The following TBC1D1 variants were observed in gnomAD, a reference collection of about 807,000 sequenced individuals.
The protein encoded by TBC1D1 is TBC1 (tre-2/USP6, BUB2, cdc16) domain family, member 1.
In TBC1D1, 89 loss-of-function variants were observed where a neutral mutation model predicts 125.6. That is an observed-to-expected ratio of 0.71 (90% CI 0.60 to 0.85). The LOEUF (loss-of-function observed/expected upper bound fraction) is 0.85, where lower values mean the gene tolerates loss of function less well. Ranked by LOEUF, TBC1D1 falls within the 40% of genes least tolerant of loss-of-function variation. The pLI is 0.00. For missense variants in TBC1D1, 1,377 were observed against 1,469.2 expected (o/e 0.94, Z 1.03); for synonymous variants, 565 against 564.1 (o/e 1.00, Z -0.02).
chr4:38,124,481 C>T (rs1303732126), intron 17 of TBC1D1, among the ~76,000 whole-genome samples: 1 of 152,226 alleles, frequency 6.6e-6, no homozygotes, highest in Non-Finnish European at 1.5e-5. Context: ...TAACAAAGTA[C>T]TTCTGCAGTT....
intron 2 of TBC1D1, among the ~76,000 whole-genome samples, chr4:37,974,255 G>C (rs910168400): frequency 6.6e-6 from 1 of 152,092 alleles, no homozygotes; most frequent in African/African-American, 2.4e-5. Context: ...TTTTGAGACA[G>C]GGTCTTGTGC....
At chr4:38,103,305 G>T in intron 15 of TBC1D1, 148 bp downstream of exon 17, 3 of 782,448 alleles carry the variant, frequency 3.8e-6, no homozygotes, top group Non-Finnish European at 6.0e-6. Flanking sequence ...AAGCCCTAGG[G>T]TAATCACAAA....
chr4:37,924,886 A>G (rs144991174), intron 2 of TBC1D1, among the ~76,000 whole-genome samples: 2 of 152,318 alleles, frequency 1.3e-5, no homozygotes, highest in African/African-American at 4.8e-5. Flanking sequence ...TTGGGTACAT[A>G]CCAAGAAGTG....
rs1258888037 is a variant in TBC1D1, at chr4:38,049,722, A to G, written c.1734A>G (p.Pro578=). The G allele has an allele frequency of 6.2e-7, 1 of 1,614,166 alleles. No individual in the cohort carries two copies. Among genetic ancestry groups the G allele is most frequent in the East Asian group, 2.2e-5 (1 of 44,866 alleles). ...CCAGTGACTCGGAGAGTCATCTCCC[A>G]GAAGAGCCAGCTCCGCTGTCGCCCC... The change falls in exon 11 of 20, where the codon CCA becomes CCG. Residue 578 remains proline (P), a synonymous_variant. Transcript: ENST00000261439.
At chr4:37,947,099 T>C (rs189738284) in intron 2 of TBC1D1, among the ~76,000 whole-genome samples, 6 of 152,306 alleles carry the variant, frequency 3.9e-5, no homozygotes, top group Admixed American at 3.9e-4. Flanking sequence ...ACATCTCCCT[T>C]ACCCGCACTC....
chr4:38,024,245 A>G (rs1485423618), intron 6 of TBC1D1, among the ~76,000 whole-genome samples: 1 of 152,236 alleles, frequency 6.6e-6, no homozygotes, highest in East Asian at 1.9e-4. Flanking sequence ...AGAGTTCCCA[A>G]CTGAGAGGAT....
At chr4:37,937,408 T>C (rs1482974080) in intron 2 of TBC1D1, among the ~76,000 whole-genome samples, 2 of 152,136 alleles carry the variant, frequency 1.3e-5, no homozygotes, top group Non-Finnish European at 2.9e-5. Context: ...ACGATAAAAA[T>C]TCAATCAATT....
intron 2 of TBC1D1, among the ~76,000 whole-genome samples, chr4:38,009,643 A>G (rs1578252774): frequency 6.6e-6 from 1 of 152,350 alleles, no homozygotes; most frequent in South Asian, 2.1e-4. Flanking sequence ...ATCTGGCTAC[A>G]TATGAAACAG....
At chr4:37,925,220 T>C (rs781031785) in intron 2 of TBC1D1, among the ~76,000 whole-genome samples, 3 of 152,206 alleles carry the variant, frequency 2.0e-5, no homozygotes, top group Non-Finnish European at 2.9e-5. Flanking sequence ...CCCTGTAGCA[T>C]GCTGCATGGA....
At chr4:37,914,600 C>T (rs1719314451) in intron 2 of TBC1D1, among the ~76,000 whole-genome samples, 2 of 152,196 alleles carry the variant, frequency 1.3e-5, no homozygotes, top group Admixed American at 1.3e-4. Context: ...CATCCAAAGA[C>T]ATCTTCTAAA....
intron 2 of TBC1D1, among the ~76,000 whole-genome samples, chr4:37,963,306 A>G (rs1730402065): frequency 1.3e-5 from 2 of 152,088 alleles, no homozygotes; most frequent in African/African-American, 4.8e-5. Flanking sequence ...GCTTCTGGGG[A>G]GGCCTCACAA....
chr4:37,934,655 A>C (rs1341358512), intron 2 of TBC1D1, among the ~76,000 whole-genome samples: 1 of 152,034 alleles, frequency 6.6e-6, no homozygotes, highest in African/African-American at 2.4e-5. Flanking sequence ...CAGCAGAGAG[A>C]GTCTGCAGGG....
At chr4:37,935,817 C>T (rs1040066247) in intron 2 of TBC1D1, among the ~76,000 whole-genome samples, 6 of 152,186 alleles carry the variant, frequency 3.9e-5, no homozygotes, top group African/African-American at 1.4e-4. Flanking sequence ...CTCCCAATGG[C>T]TTACATCTCC....
chr4:37,979,745 T>A (rs978245616), intron 2 of TBC1D1, among the ~76,000 whole-genome samples: 1 of 152,216 alleles, frequency 6.6e-6, no homozygotes, highest in East Asian at 1.9e-4. Context: ...TGGGTGTCGG[T>A]TGATTCACAT....
chr4:38,052,472 C>T (rs919565293), intron 11 of TBC1D1, among the ~76,000 whole-genome samples: 4 of 151,398 alleles, frequency 2.6e-5, no homozygotes, highest in Admixed American at 6.6e-5. Flanking sequence ...GCTGGGACTA[C>T]AGGCACACGC....
At chr4:38,022,791 T>C (rs1744315459) in intron 6 of TBC1D1, among the ~76,000 whole-genome samples, 1 of 152,154 alleles carries the variant, frequency 6.6e-6, no homozygotes, top group Non-Finnish European at 1.5e-5. Flanking sequence ...TGAAGGAGTT[T>C]TCACCACTCT....
chr4:38,033,341 C>A (rs937494995), intron 7 of TBC1D1, among the ~76,000 whole-genome samples: 1 of 151,886 alleles, frequency 6.6e-6, no homozygotes, highest in African/African-American at 2.4e-5. Flanking sequence ...TGCTCAGAGG[C>A]CTCATAATTC....
At position 38,090,994 on chromosome 4, in the gene TBC1D1, A is replaced by G. The variant is rs1758329013; in HGVS notation, c.2236+877A>G. Among the ~76,000 whole-genome samples, 2 of 152,240 alleles carry G rather than the reference A, an allele frequency of 1.3e-5. 1 individual carries two copies. Among genetic ancestry groups the G allele is most frequent in the East Asian group, 3.8e-4 (2 of 5,204 alleles). ...GTCATTAAGACACCAACTCTGAGGA[A>G]TAAGCTCCTGAGAATGTGTTGCATC... On this transcript the variant is annotated intron_variant, in intron 13 of 19. Transcript: ENST00000261439.
intron 2 of TBC1D1, among the ~76,000 whole-genome samples, chr4:37,939,275 A>G (rs1226561043): frequency 6.6e-6 from 1 of 152,222 alleles, no homozygotes; most frequent in Non-Finnish European, 1.5e-5. Flanking sequence ...TCTGATGGCC[A>G]GTGATGATGA....
Sources: gnomAD v4.1 joint callset for allele counts (sites outside exome capture counted in the v4.1 genomes callset) on GRCh38, gnomAD v4.1.1 for gene constraint, MANE v1.5 for transcripts, NCBI Gene and HGNC (gene_info 2026-07-23, HGNC 2026-07-21) for gene names.